Variants in ZNF385D observed in about 807,000 individuals in gnomAD.
ZNF385D encodes the protein zinc finger protein 659.
ZNF385D carries 15 observed loss-of-function variants against 35.8 expected under a neutral mutation model. The observed-to-expected ratio is 0.42, with a 90% CI of 0.28 to 0.64. The LOEUF (loss-of-function observed/expected upper bound fraction) is 0.64. Among genes scored for constraint, ZNF385D ranks in the 30% least tolerant of loss-of-function variants. The probability of loss-of-function intolerance (pLI) is 0.23; values close to 1 mark genes in which losing one functional copy is unlikely to be tolerated. For synonymous variants in ZNF385D, 212 were observed against 186.8 expected (o/e 1.13, Z -1.10); for missense variants, 474 against 494.6 (o/e 0.96, Z 0.39).
chr3:22,167,725 G>C (rs1392430032), intron 3 of ZNF385D, among the ~76,000 whole-genome samples: 2 of 152,158 alleles, frequency 1.3e-5, no homozygotes, highest in African/African-American at 4.8e-5. Flanking sequence ...GAAATGTCCT[G>C]TGTCACTAGG....
rs188667823 is a variant in ZNF385D, at chr3:21,663,020, C to A, written c.165+1866G>T. Among the ~76,000 whole-genome samples the A allele has an allele frequency of 7.2e-5, 11 of 152,168 alleles. No individual in the cohort carries two copies. In the East Asian group the frequency reaches 2.1e-3, roughly 30 times the overall value. On this transcript the variant is annotated intron_variant, in intron 2 of 7. Coordinates refer to ENST00000281523, the MANE Select transcript of ZNF385D (RefSeq NM_024697.3). Reference sequence around the variant, plus strand: ...TTGATGACACATGGGAGTTTTGTGACCCTTCCAAGGTCTTATCGATGGTAA... The same window carrying A: ...TTGATGACACATGGGAGTTTTGTGAACCTTCCAAGGTCTTATCGATGGTAA...
chr3:22,036,912 T>G (rs1698361957), intron 3 of ZNF385D, among the ~76,000 whole-genome samples: 1 of 138,412 alleles, frequency 7.2e-6, no homozygotes, highest in Non-Finnish European at 1.5e-5. Flanking sequence ...CCTTCCCGTG[T>G]CCATGTGTTC....
chr3:22,218,859 A>C (rs1316586666), intron 2 of ZNF385D, among the ~76,000 whole-genome samples: 1 of 152,112 alleles, frequency 6.6e-6, no homozygotes, highest in Admixed American at 6.5e-5. Flanking sequence ...TTGATCTGAG[A>C]TATCTAGGTA....
intron 3 of ZNF385D, among the ~76,000 whole-genome samples, chr3:21,827,519 T>C (rs915522394): frequency 1.3e-5 from 2 of 152,186 alleles, no homozygotes; most frequent in East Asian, 1.9e-4. Flanking sequence ...AGTTTACTTA[T>C]ACGTCAAGAT....
chr3:21,448,306 A>T (rs1214855018), intron 4 of ZNF385D, among the ~76,000 whole-genome samples: 2 of 152,118 alleles, frequency 1.3e-5, no homozygotes, highest in East Asian at 3.8e-4. Context: ...TTTAACCAAT[A>T]ATCTTTCAGC....
chr3:22,309,983 C>T (rs1015094715), intron 2 of ZNF385D, among the ~76,000 whole-genome samples: 3 of 151,882 alleles, frequency 2.0e-5, no homozygotes, highest in South Asian at 4.1e-4. Flanking sequence ...ATGAACTGCT[C>T]AATGGACCAA....
chr3:21,725,380 C>G (rs1206531496), intron 1 of ZNF385D, among the ~76,000 whole-genome samples: 1 of 152,082 alleles, frequency 6.6e-6, no homozygotes, highest in African/African-American at 2.4e-5. Context: ...TTCAAAAAAT[C>G]AATGAATCCA....
intron 3 of ZNF385D, among the ~76,000 whole-genome samples, chr3:21,824,626 T>A (rs1053044926): frequency 1.3e-5 from 2 of 152,102 alleles, no homozygotes; most frequent in Non-Finnish European, 2.9e-5. Flanking sequence ...ATAGCCTAGA[T>A]TTTCTTTTAA....
At chr3:21,716,384 G>A (rs931749932) in intron 1 of ZNF385D, among the ~76,000 whole-genome samples, 3 of 152,044 alleles carry the variant, frequency 2.0e-5, no homozygotes, top group Non-Finnish European at 4.4e-5. Flanking sequence ...AATCTCCCTA[G>A]ATGATCCCCA....
chr3:21,940,319 C>A (rs1465297545), intron 3 of ZNF385D, among the ~76,000 whole-genome samples: 2 of 152,122 alleles, frequency 1.3e-5, no homozygotes, highest in Non-Finnish European at 2.9e-5. Context: ...ACCCAGTTCA[C>A]CCATTTAGTG....
intron 3 of ZNF385D, among the ~76,000 whole-genome samples, chr3:22,107,976 C>A (rs1559374735): frequency 6.6e-6 from 1 of 151,782 alleles, no homozygotes; most frequent in Non-Finnish European, 1.5e-5. Context: ...AGGCTTCAAG[C>A]AGCTTTTGGC....
chr3:22,169,196 AC>A lies in ZNF385D; in HGVS notation c.107-162del, dbSNP rs553447426. On this transcript the variant is annotated intron_variant, in intron 2 of 5. Coordinates refer to the ZNF385D transcript ENST00000494108. ...TTGCTTTCACACTATGCTAAAGTAG[AC>A]AATCTCTTTAATGGAATATAAATGG... 1.1e-4 allele frequency among the ~76,000 whole-genome samples: 17 copies of A among 152,354 alleles called. No individual in the cohort carries two copies. The East Asian group carries it at 2.9e-3, about 26-fold the overall frequency.
chr3:22,204,688 C>T (rs1284240474), intron 2 of ZNF385D, among the ~76,000 whole-genome samples: 1 of 151,782 alleles, frequency 6.6e-6, no homozygotes, highest in Admixed American at 6.6e-5. Flanking sequence ...AAGAATCAAG[C>T]AGAAATTCTG....
At chr3:22,122,549 A>G (rs1238414137) in intron 3 of ZNF385D, among the ~76,000 whole-genome samples, 1 of 152,222 alleles carries the variant, frequency 6.6e-6, no homozygotes, top group Admixed American at 6.6e-5. Flanking sequence ...ACAGCCATAA[A>G]GAAAAGTGAC....
At position 22,030,276 on chromosome 3, in the gene ZNF385D, T is replaced by TATATATATCCTATACAAATAACAAATAGG. The variant is rs1553591279; in HGVS notation, c.325+138540_325+138541insCCTATTTGTTATTTGTATAGGATATATAT. ...TCATTCATATATATATATATATATA[T>TATATATATCCTATACAAATAACAAATAGG]ATATATATATATATATATATATATA... On this transcript the variant is annotated intron_variant, in intron 3 of 5. Coordinates refer to the ZNF385D transcript ENST00000494108. Among the ~76,000 whole-genome samples the TATATATATCCTATACAAATAACAAATAGG allele has an allele frequency of 1.9e-3, 199 of 103,586 alleles. 9 individuals carry two copies. Among genetic ancestry groups the TATATATATCCTATACAAATAACAAATAGG allele is most frequent in the East Asian group, 0.011 (39 of 3,470 alleles). 68.0% of individuals were successfully genotyped at this position (103,586 alleles called of 152,430 possible).
chr3:22,242,270 G>A (rs982450431), intron 2 of ZNF385D, among the ~76,000 whole-genome samples: 1 of 151,078 alleles, frequency 6.6e-6, no homozygotes, highest in South Asian at 2.2e-4. Context: ...GGTGATTACT[G>A]TTTGTGGCTT....
At chr3:21,862,692 T>C (rs1025641651) in intron 3 of ZNF385D, among the ~76,000 whole-genome samples, 9 of 152,148 alleles carry the variant, frequency 5.9e-5, no homozygotes, top group African/African-American at 2.2e-4. Context: ...GCAGCCCAGA[T>C]GAAGATGTCC....
chr3:22,110,334 C>T (rs1439701602), intron 3 of ZNF385D, among the ~76,000 whole-genome samples: 8 of 151,938 alleles, frequency 5.3e-5, no homozygotes, highest in Non-Finnish European at 8.8e-5. Flanking sequence ...AAGACACATG[C>T]ACACATATGT....
At chr3:21,981,854 T>C (rs1262427532) in intron 3 of ZNF385D, among the ~76,000 whole-genome samples, 1 of 152,166 alleles carries the variant, frequency 6.6e-6, no homozygotes, top group African/African-American at 2.4e-5. Flanking sequence ...GTCAGCTTTG[T>C]TGACGATCAG....
Sources: gnomAD v4.1 joint callset for allele counts (sites outside exome capture counted in the v4.1 genomes callset) on GRCh38, gnomAD v4.1.1 for gene constraint, MANE v1.5 for transcripts, NCBI Gene and HGNC (gene_info 2026-07-23, HGNC 2026-07-21) for gene names.